SLC38A1: variants seen among roughly 807,000 people sequenced by gnomAD.
SLC38A1 encodes the protein solute carrier family 38 member 1.
A neutral mutation model predicts 60.3 loss-of-function variants in SLC38A1; 18 were observed. The ratio of observed to expected loss-of-function variants is 0.30; its 90% confidence interval spans 0.21 to 0.44. The LOEUF (loss-of-function observed/expected upper bound fraction) is 0.44. Ranked by LOEUF, SLC38A1 falls within the 20% of genes least tolerant of loss-of-function variation. The pLI, the probability that SLC38A1 is intolerant of heterozygous loss-of-function variation, is 1.00. For missense variants in SLC38A1, 448 were observed against 587.2 expected, an observed-to-expected ratio of 0.76 and a Z score of 2.45; for synonymous variants, 196 against 212.1, an observed-to-expected ratio of 0.92 and a Z score of 0.66.
At chr12:46,207,003 A>G (rs781167779) in intron 8 of SLC38A1, 152 bp downstream of exon 8, 1 of 598,444 alleles carries the variant, frequency 1.7e-6, no homozygotes, top group Non-Finnish European at 3.0e-6. Flanking sequence ...TCCTTTATAT[A>G]GCCCCAAAGA....
chr12:46,190,150 A>G (rs1191940452), intron 16 of SLC38A1, among the ~76,000 whole-genome samples: 1 of 151,962 alleles, frequency 6.6e-6, no homozygotes, highest in Non-Finnish European at 1.5e-5. Flanking sequence ...ATGTGTTCTC[A>G]TTGTTCAACT....
intron 3 of SLC38A1, among the ~76,000 whole-genome samples, chr12:46,235,144 A>G (rs748451281): frequency 6.6e-6 from 1 of 152,216 alleles, no homozygotes; most frequent in African/African-American, 2.4e-5. Context: ...ACTAAGGTAC[A>G]TTGTGAAGAG....
chr12:46,252,427 G>A (rs1303923651), intron 1 of SLC38A1, among the ~76,000 whole-genome samples: 1 of 152,002 alleles, frequency 6.6e-6, no homozygotes, highest in East Asian at 1.9e-4. Flanking sequence ...CATGGCACAT[G>A]TATATATATG....
chr12:46,249,049 GGGA>G (rs1419309743), intron 1 of SLC38A1, among the ~76,000 whole-genome samples: 14 of 151,378 alleles, frequency 9.2e-5, no homozygotes, highest in Non-Finnish European at 1.3e-4. Flanking sequence ...CCAGCTACTT[GGGA>G]GGCTCAGGCA....
intron 16 of SLC38A1, among the ~76,000 whole-genome samples, chr12:46,192,468 C>T (rs571986661): frequency 6.6e-6 from 1 of 152,104 alleles, no homozygotes; most frequent in African/African-American, 2.4e-5. Context: ...GGGAGGATTC[C>T]CTCTTTTCTA....
chr12:46,190,973 T>C (rs1483045622), intron 16 of SLC38A1, among the ~76,000 whole-genome samples: 8 of 152,226 alleles, frequency 5.3e-5, no homozygotes, highest in Non-Finnish European at 1.2e-4. Flanking sequence ...TTTGTTGCCA[T>C]TGCTTTTTGT....
chr12:46,195,065 T>G (rs1939305560), intron 16 of SLC38A1, among the ~76,000 whole-genome samples: 1 of 152,176 alleles, frequency 6.6e-6, no homozygotes, highest in South Asian at 2.1e-4. Context: ...CTCCCCATCT[T>G]TGTGGTTTTA....
intron 12 of SLC38A1, 37 bp from the exon 13 acceptor site, chr12:46,201,235 T>A (rs777611442): frequency 1.3e-6 from 2 of 1,520,660 alleles, no homozygotes; most frequent in Admixed American, 1.7e-5. Context: ...AAAAATCATA[T>A]GACTGAATTT....
In SLC38A1 at chr12:46,188,925, C is replaced by G; in HGVS notation, c.*45G>C. The stretch of plus-strand genomic sequence containing the variant: ...GTGAGAGATTGCTGATGTGTGGGGA[C>G]TTGACTGAGCAGACAACAGGGATGT... On this transcript the variant is annotated 3_prime_UTR_variant, in exon 17 of 17. Coordinates refer to ENST00000398637, the MANE Select transcript of SLC38A1 (RefSeq NM_030674.4). 1 of 1,518,120 alleles carries G rather than the reference C, an allele frequency of 6.6e-7. No homozygotes were observed. The highest frequency in any genetic ancestry group is 9.1e-7 in the Non-Finnish European group (1 of 1,096,458). 94.0% of individuals were successfully genotyped at this position (1,518,120 alleles called of 1,614,324 possible).
At chr12:46,237,655 CT>C (rs1223393401) in intron 3 of SLC38A1, among the ~76,000 whole-genome samples, 1 of 151,886 alleles carries the variant, frequency 6.6e-6, no homozygotes, top group African/African-American at 2.4e-5. Flanking sequence ...TTTCTCCCAT[CT>C]ACTGCAAGTG....
intron 3 of SLC38A1, among the ~76,000 whole-genome samples, chr12:46,233,636 A>C (rs1941155818): frequency 6.6e-6 from 1 of 152,188 alleles, no homozygotes; most frequent in African/African-American, 2.4e-5. Flanking sequence ...GAAGCAGATA[A>C]AGAATAAGTC....
intron 9 of SLC38A1, among the ~76,000 whole-genome samples, 188 bp downstream of exon 9, chr12:46,205,892 G>A (rs1207893705): frequency 2.6e-5 from 4 of 152,100 alleles, no homozygotes; most frequent in Non-Finnish European, 5.9e-5. Flanking sequence ...GATTGTTTAG[G>A]AGGTCACATA....
Position 46,212,803 on chromosome 12 carries a change from C to A in SLC38A1, c.315-3676G>T, listed in dbSNP as rs77020740. 1.8e-3 allele frequency among the ~76,000 whole-genome samples: 269 copies of A among 152,280 alleles called. 1 individual carries two copies. Among genetic ancestry groups the A allele is most frequent in the African/African-American group, 6.2e-3 (259 of 41,548 alleles). On this transcript the variant is annotated intron_variant, in intron 5 of 16. Coordinates refer to ENST00000398637, the MANE Select transcript of SLC38A1 (RefSeq NM_030674.4). The stretch of plus-strand genomic sequence containing the variant: ...ACAGGCATCCAGGTCTGCAAAGTGT[C>A]TTTTAAAAGGGGACATATTATGCAA...
chr12:46,231,051 T>C (rs1592121274), intron 3 of SLC38A1, among the ~76,000 whole-genome samples: 1 of 152,196 alleles, frequency 6.6e-6, no homozygotes, highest in East Asian at 1.9e-4. Flanking sequence ...TCAACCTAAG[T>C]GTCCATCAAC....
intron 3 of SLC38A1, among the ~76,000 whole-genome samples, chr12:46,230,392 G>A (rs924221136): frequency 6.6e-6 from 1 of 152,160 alleles, no homozygotes; most frequent in African/African-American, 2.4e-5. Context: ...AGAAAGCAAG[G>A]GACTTAGAAC....
At chr12:46,215,416 C>CT (rs957117927) in intron 5 of SLC38A1, among the ~76,000 whole-genome samples, 21 of 150,278 alleles carry the variant, frequency 1.4e-4, no homozygotes, top group Non-Finnish European at 1.9e-4. Context: ...TCAAGCATTA[C>CT]TTTTTTTTTT....
chr12:46,241,071 T>C (rs543815867), intron 2 of SLC38A1, among the ~76,000 whole-genome samples: 3 of 152,244 alleles, frequency 2.0e-5, no homozygotes, highest in African/African-American at 2.4e-5. Context: ...GCAAGGCGTA[T>C]AATGCATGGG....
chr12:46,245,259 C>A (rs1356161624), intron 1 of SLC38A1, among the ~76,000 whole-genome samples: 2 of 152,188 alleles, frequency 1.3e-5, no homozygotes, highest in African/African-American at 2.4e-5. Context: ...GCTAGCTCAA[C>A]TCCTGAGAAT....
At chr12:46,197,603 C>A in intron 16 of SLC38A1, 117 bp downstream of exon 16, 1 of 721,508 alleles carries the variant, frequency 1.4e-6, no homozygotes, top group South Asian at 1.6e-5. Context: ...AGCTACAGGG[C>A]TTCTGCCTCC....
Sources: allele counts gnomAD v4.1 joint callset (sites outside exome capture counted in the v4.1 genomes callset), GRCh38; gene constraint gnomAD v4.1.1; transcripts MANE v1.5; gene names NCBI Gene and HGNC (gene_info 2026-07-23, HGNC 2026-07-21).